Variants in GINS2 observed in about 807,000 individuals in gnomAD.
GINS2 encodes the protein GINS complex subunit 2, also known as DNA replication complex GINS protein PSF2.
GINS2 carries 23 observed loss-of-function variants against 21.2 expected under a neutral mutation model. The ratio of observed to expected loss-of-function variants is 1.08; its 90% confidence interval spans 0.78 to 1.53. GINS2 has a LOEUF of 1.53. Ranked by LOEUF, GINS2 falls within the 40% of genes most tolerant of loss-of-function variation. The pLI is 0.00. For synonymous variants in GINS2, 118 were observed against 85.6 expected (o/e 1.38, Z -2.09); for missense variants, 323 against 233.9 (o/e 1.38, Z -2.49).
At position 85,678,161 on chromosome 16, in the gene GINS2, A is replaced by G; in HGVS notation, c.*51T>C. 1 of 1,574,672 alleles carries G rather than the reference A, an allele frequency of 6.4e-7. No homozygotes were observed. The highest frequency in any genetic ancestry group is 8.7e-7 in the Non-Finnish European group (1 of 1,152,032). ...GCTCCAGAACCACGAGTACCTCATC[A>G]CGTCCTGAGCGCTCACATCCCCCAG... On this transcript the variant is annotated 3_prime_UTR_variant, in exon 5 of 5. Coordinates refer to ENST00000253462, the MANE Select transcript of GINS2 (RefSeq NM_016095.3).
intron 2 of GINS2, among the ~76,000 whole-genome samples, chr16:85,685,678 A>AAAAAAAAAAAAAAAAAC (rs1567792794): frequency 2.1e-5 from 3 of 143,978 alleles, no homozygotes; most frequent in African/African-American, 8.3e-5. Context: ...CTCAAAAAAA[A>AAAAAAAAAAAAAAAAAC]AAAAAAAAAA....
chr16:85,683,040 G>A (rs1397919637), intron 2 of GINS2, among the ~76,000 whole-genome samples: 1 of 151,872 alleles, frequency 6.6e-6, no homozygotes, highest in Non-Finnish European at 1.5e-5. Context: ...CTACCCACTC[G>A]AGGACCAGCC....
chr16:85,686,279 G>A (rs989198301), intron 2 of GINS2, among the ~76,000 whole-genome samples: 1 of 152,098 alleles, frequency 6.6e-6, no homozygotes, highest in Non-Finnish European at 1.5e-5. Context: ...TTAGCCGAGC[G>A]TGGTAGCGGG....
intron 2 of GINS2, among the ~76,000 whole-genome samples, chr16:85,682,756 C>A (rs1000965449): frequency 6.6e-6 from 1 of 152,204 alleles, no homozygotes; most frequent in Non-Finnish European, 1.5e-5. Context: ...AGCCCTCCCC[C>A]TCTACAGAGA....
intron 2 of GINS2, among the ~76,000 whole-genome samples, chr16:85,683,973 A>G (rs1270920924): frequency 6.6e-6 from 1 of 152,232 alleles, no homozygotes; most frequent in Non-Finnish European, 1.5e-5. Flanking sequence ...CAAGTCCATC[A>G]TTCTAGGTAT....
At chr16:85,678,366 C>G (rs986598829) in intron 4 of GINS2, 29 bp from the exon 5 acceptor site, 1 of 1,611,728 alleles carries the variant, frequency 6.2e-7, no homozygotes, top group African/African-American at 1.3e-5. Flanking sequence ...CCAAGTTGGC[C>G]AAGGAGTTTT....
intron 4 of GINS2, 83 bp downstream of exon 4, chr16:85,678,457 G>A (rs377743087): frequency 6.5e-7 from 1 of 1,542,806 alleles, no homozygotes; most frequent in African/African-American, 1.4e-5. Context: ...AGTAATGCCT[G>A]CCTGTAATAG....
In GINS2 at chr16:85,677,935, G is replaced by C. The variant is rs1359901834; in HGVS notation, c.*277C>G. ...GAGACCCAAGTGGCTCTGCTAGGGA[G>C]AATGACTTATTTACCTAAGGCTTTT... On this transcript the variant is annotated 3_prime_UTR_variant, in exon 5 of 5. Coordinates refer to ENST00000253462, the MANE Select transcript of GINS2 (RefSeq NM_016095.3). The C allele has an allele frequency of 2.9e-6, 1 of 344,102 alleles. No homozygotes were observed. The highest frequency in any genetic ancestry group is 2.1e-5 in the African/African-American group (1 of 46,980). 21.3% of individuals were successfully genotyped at this position (344,102 alleles called of 1,614,324 possible). A position where few individuals can be genotyped will look rare whatever the true frequency, so the allele number is the denominator to read the frequency against.
chr16:85,678,150 A>C lies in GINS2; in HGVS notation c.*62T>G. On this transcript the variant is annotated 3_prime_UTR_variant, in exon 5 of 5. Transcript: ENST00000253462. ...GTGTTTCTAGAGCTCCAGAACCACG[A>C]GTACCTCATCACGTCCTGAGCGCTC... The C allele has an allele frequency of 1.3e-6, 2 of 1,502,590 alleles. No individual in the cohort carries two copies. The highest frequency in any genetic ancestry group is 1.8e-6 in the Non-Finnish European group (2 of 1,091,970). 93.1% of individuals were successfully genotyped at this position (1,502,590 alleles called of 1,614,324 possible).
chr16:85,676,613 CTT>C lies in GINS2; in HGVS notation c.*1597_*1598del, dbSNP rs1462966697. 10 of 152,272 alleles carry C rather than the reference CTT, an allele frequency of 6.6e-5. No individual in the cohort carries two copies. Among genetic ancestry groups the C allele is most frequent in the Admixed American group, 6.5e-4 (10 of 15,284 alleles). The allele number at this position is 152,272 out of a possible 1,614,324, so 9.4% of individuals were successfully genotyped here. A position where few individuals can be genotyped will look rare whatever the true frequency, so the allele number is the denominator to read the frequency against. On this transcript the variant is annotated 3_prime_UTR_variant, in exon 5 of 5. Coordinates refer to ENST00000253462, the MANE Select transcript of GINS2 (RefSeq NM_016095.3). ...GGAGGGCAGATGCTGGGTGATAAGT[CTT>C]TAGGCTCAGCCTGTCACACATGCGC...
At position 85,678,299 on chromosome 16, in the gene GINS2, C is replaced by T; in HGVS notation, c.471G>A (p.Gly157=). 4.3e-6 allele frequency: 7 copies of T among 1,613,450 alleles called. No individual in the cohort carries two copies. The highest frequency in any genetic ancestry group is 5.9e-6 in the Non-Finnish European group (7 of 1,179,402). ...GGTTGAGCGCTTGTGTGAGGAAAGT[C>T]CCGCTGGTGTTGATCTCCATCAAGG... The part of the protein sequence containing the change: ...NLTLMEINTS[G]TFLTQALNHM... Residue 157 remains glycine (G), a synonymous_variant, in exon 5 of 5, where the codon GGG becomes GGA. Transcript: ENST00000253462.
intron 3 of GINS2, among the ~76,000 whole-genome samples, chr16:85,679,585 C>A (rs1158217714): frequency 2.0e-5 from 3 of 152,192 alleles, no homozygotes; most frequent in Admixed American, 2.0e-4. Flanking sequence ...GGTTAAAGGA[C>A]AAAGGACCCC....
rs1567794361 is a variant in GINS2 at position 85,688,925 on chromosome 16, T to C, written c.-27A>G. On this transcript the variant is annotated 5_prime_UTR_variant, in exon 1 of 5. Coordinates refer to ENST00000253462, the MANE Select transcript of GINS2 (RefSeq NM_016095.3). ...GCGGCGCGAGCTGCAGGCCAGAGCC[T>C]CACGGTCTCCTCGGGCCCCTCAGCG... 6.0e-6 allele frequency: 9 copies of C among 1,499,662 alleles called. No individual in the cohort carries two copies. The highest frequency in any genetic ancestry group is 7.2e-6 in the Non-Finnish European group (8 of 1,109,600). 92.9% of individuals were successfully genotyped at this position (1,499,662 alleles called of 1,614,324 possible).
chr16:85,677,305 A>G lies in GINS2; in HGVS notation c.*907T>C, dbSNP rs1358954116. On this transcript the variant is annotated 3_prime_UTR_variant, in exon 5 of 5. Transcript: ENST00000253462. ...CTAACATTTCCAAAATGCTACGAAT[A>G]AAGTAATTTTCTCTTAGGAAAAAAA... 7 of 152,228 alleles carry G rather than the reference A, an allele frequency of 4.6e-5. No individual in the cohort carries two copies. The highest frequency in any genetic ancestry group is 4.6e-4 in the Admixed American group (7 of 15,286). 9.4% of individuals were successfully genotyped at this position (152,228 alleles called of 1,614,324 possible).
intron 1 of GINS2, 181 bp from the exon 2 acceptor site, chr16:85,687,755 T>C: frequency 4.1e-6 from 2 of 488,358 alleles, no homozygotes; most frequent in East Asian, 3.5e-5. Flanking sequence ...CCGAGACACC[T>C]GCGAGCGTGG....
intron 2 of GINS2, among the ~76,000 whole-genome samples, chr16:85,686,042 C>G (rs1490935536): frequency 6.6e-6 from 1 of 152,028 alleles, no homozygotes; most frequent in East Asian, 1.9e-4. Context: ...CTACTCATAT[C>G]TCCAAGAGAA....
intron 2 of GINS2, among the ~76,000 whole-genome samples, chr16:85,686,991 G>A (rs1436640757): frequency 6.6e-6 from 1 of 152,228 alleles, no homozygotes; most frequent in Admixed American, 6.5e-5. Context: ...ATCTGCCAAG[G>A]TGGCCAGATC....
At position 85,677,670 on chromosome 16, in the gene GINS2, G is replaced by C. The variant is rs1567789566; in HGVS notation, c.*542C>G. 1 of 152,594 alleles carries C rather than the reference G, an allele frequency of 6.6e-6. No individual in the cohort carries two copies. Among genetic ancestry groups the C allele is most frequent in the Non-Finnish European group, 1.5e-5 (1 of 68,354 alleles). The allele number at this position is 152,594 out of a possible 1,614,324, so 9.5% of individuals were successfully genotyped here. ...CGCAGCACAAAAACCTAGAGAGTCA[G>C]AGCTGAGTTGGGTCCATTTTTATTG... is the stretch of plus-strand genomic sequence containing the variant. On this transcript the variant is annotated 3_prime_UTR_variant, in exon 5 of 5. Coordinates refer to ENST00000253462, the MANE Select transcript of GINS2 (RefSeq NM_016095.3).
intron 2 of GINS2, among the ~76,000 whole-genome samples, chr16:85,683,724 C>A (rs1208409571): frequency 6.6e-6 from 1 of 152,172 alleles, no homozygotes; most frequent in Non-Finnish European, 1.5e-5. Context: ...TGGATTCATT[C>A]CCTGCTCCTA....
Sources: gnomAD v4.1 joint callset for allele counts (sites outside exome capture counted in the v4.1 genomes callset) on GRCh38, gnomAD v4.1.1 for gene constraint, MANE v1.5 for transcripts, NCBI Gene and HGNC (gene_info 2026-07-23, HGNC 2026-07-21) for gene names.